FGF5: variants seen among roughly 807,000 people sequenced by gnomAD.
The protein encoded by FGF5 is heparin-binding growth factor 5.
FGF5 carries 23 observed loss-of-function variants against 21.8 expected under a neutral mutation model. The ratio of observed to expected loss-of-function variants is 1.05; its 90% CI spans 0.76 to 1.49. The LOEUF is 1.49. Among genes scored for constraint, FGF5 ranks in the 40% most tolerant of loss-of-function variants. FGF5 has a pLI of 0.00. For synonymous variants in FGF5, 158 were observed against 124.0 expected, an observed-to-expected ratio of 1.27 and a Z score of -1.82; for missense variants, 352 against 332.9, an observed-to-expected ratio of 1.06 and a Z score of -0.45.
At position 80,285,426 on chromosome 4, in the gene FGF5, A is replaced by G. The variant is rs562504101; in HGVS notation, c.460-899A>G. On this transcript the variant is annotated intron_variant, in intron 2 of 2. Coordinates refer to ENST00000312465, the MANE Select transcript of FGF5 (RefSeq NM_004464.4). Reference sequence around the variant, plus strand: ...CCTTCCTCTCTAATGCTAGTTAGAGAACATTCCTAGTTGTACTTGAAGACT... The same window carrying G: ...CCTTCCTCTCTAATGCTAGTTAGAGGACATTCCTAGTTGTACTTGAAGACT... Among the ~76,000 whole-genome samples the G allele has an allele frequency of 4.9e-4, 75 of 152,282 alleles. No individual in the cohort carries two copies. The South Asian group carries it at 0.011, about 21-fold the overall frequency.
chr4:80,284,816 G>A (rs888380248), intron 2 of FGF5, among the ~76,000 whole-genome samples: 2 of 151,954 alleles, frequency 1.3e-5, no homozygotes, highest in Non-Finnish European at 2.9e-5. Flanking sequence ...GAAAAGTTTG[G>A]CATTATTAGA....
In FGF5 at chr4:80,287,772, C is replaced by T. The variant is rs1317270954; in HGVS notation, c.*1100C>T. 6.6e-6 allele frequency: 1 copy of T among 152,114 alleles called. No homozygotes were observed. The highest frequency in any genetic ancestry group is 1.9e-4 in the East Asian group (1 of 5,186). 9.4% of individuals were successfully genotyped at this position (152,114 alleles called of 1,614,324 possible). On this transcript the variant is annotated 3_prime_UTR_variant, in exon 3 of 3. Transcript: ENST00000312465. ...TTTAACAGTTATCCATGCCAAGTCCCATTGTCAGAAATATTCTTATTACTC... is the reference window on the plus strand; with the variant it reads ...TTTAACAGTTATCCATGCCAAGTCCTATTGTCAGAAATATTCTTATTACTC...
chr4:80,276,515 G>C (rs979945818), intron 2 of FGF5, among the ~76,000 whole-genome samples: 2 of 151,698 alleles, frequency 1.3e-5, no homozygotes, highest in Non-Finnish European at 2.9e-5. Flanking sequence ...TATTTCAATA[G>C]GTTTTTAAGG....
At chr4:80,275,859 T>C (rs1473413630) in intron 2 of FGF5, among the ~76,000 whole-genome samples, 1 of 152,076 alleles carries the variant, frequency 6.6e-6, no homozygotes, top group Non-Finnish European at 1.5e-5. Flanking sequence ...TGAAAGCAAT[T>C]ATTCTTTAAA....
chr4:80,284,742 T>C (rs1201924275), intron 2 of FGF5, among the ~76,000 whole-genome samples: 1 of 152,218 alleles, frequency 6.6e-6, no homozygotes, highest in African/African-American at 2.4e-5. Flanking sequence ...CAACAGTGGA[T>C]CTATGTAGAT....
In FGF5 at chr4:80,278,738, G is replaced by A. The variant is rs186651193; in HGVS notation, c.459+3726G>A. Among the ~76,000 whole-genome samples, 38 of 152,194 alleles carry A rather than the reference G, an allele frequency of 2.5e-4. No individual in the cohort carries two copies. In the East Asian group the frequency reaches 6.4e-3, roughly 26 times the overall value. On this transcript the variant is annotated intron_variant, in intron 2 of 2. Coordinates refer to ENST00000312465, the MANE Select transcript of FGF5 (RefSeq NM_004464.4). ...ATGTGGGCTCCCTGGACTCATTCAA[G>A]CCCCTGATCTACAGGCAGCTCTCCT...
rs570704553 is a variant in FGF5, at chr4:80,275,148, C to T, written c.459+136C>T. 2,345 of 452,422 alleles carry T rather than the reference C, an allele frequency of 5.2e-3. 10 individuals carry two copies. Among genetic ancestry groups the T allele is most frequent in the Non-Finnish European group, 7.7e-3 (1,977 of 256,892 alleles). 28.0% of individuals were successfully genotyped at this position (452,422 alleles called of 1,614,324 possible). ...TTTTAAAAAGTATTTTTACATTTAA[C>T]CAAGATAATTTTGTGCGCTTCCAGA... On this transcript the variant is annotated intron_variant, in intron 2 of 2. Transcript: ENST00000312465.
chr4:80,274,816 A>G lies in FGF5; in HGVS notation c.356-93A>G, dbSNP rs1469390547. The G allele has an allele frequency of 6.0e-5, 39 of 646,422 alleles. 1 individual carries two copies. In the East Asian group the frequency reaches 1.0e-3, roughly 17 times the overall value. The allele number at this position is 646,422 out of a possible 1,614,324, so 40.0% of individuals were successfully genotyped here. On this transcript the variant is annotated intron_variant, in intron 1 of 2. Coordinates refer to ENST00000312465, the MANE Select transcript of FGF5 (RefSeq NM_004464.4). ...TAAGTTCTTTTTTAAAATCACAATA[A>G]TAAAGAATGGAAAGAATCTATGTAG...
chr4:80,286,318 T>G lies in FGF5; in HGVS notation c.460-7T>G. The G allele has an allele frequency of 6.5e-7, 1 of 1,549,840 alleles. No homozygotes were observed. On this transcript the variant is annotated splice_polypyrimidine_tract_variant and splice_region_variant and intron_variant, in intron 2 of 2. Coordinates refer to ENST00000312465, the MANE Select transcript of FGF5 (RefSeq NM_004464.4). ...ACTTAAATTTCCTCTTTTTTTCTCCTCCTTAGGCCAAGTTCACAGATGACT... is the reference window on the plus strand; with the variant it reads ...ACTTAAATTTCCTCTTTTTTTCTCCGCCTTAGGCCAAGTTCACAGATGACT...
At chr4:80,278,852 G>A (rs1394771064) in intron 2 of FGF5, among the ~76,000 whole-genome samples, 1 of 152,100 alleles carries the variant, frequency 6.6e-6, no homozygotes, top group African/African-American at 2.4e-5. Context: ...GGATGAGGAT[G>A]TATGGTCTTC....
At chr4:80,271,544 G>A (rs958772593) in intron 1 of FGF5, among the ~76,000 whole-genome samples, 4 of 152,140 alleles carry the variant, frequency 2.6e-5, no homozygotes, top group Non-Finnish European at 5.9e-5. Flanking sequence ...TTCTCAAGCA[G>A]GAGAAGGCCA....
chr4:80,280,833 T>C (rs1720532459), intron 2 of FGF5, among the ~76,000 whole-genome samples: 1 of 152,112 alleles, frequency 6.6e-6, no homozygotes, highest in Non-Finnish European at 1.5e-5. Context: ...CATGGGATGC[T>C]GGTTAATGAT....
chr4:80,282,116 C>A (rs1720570605), intron 2 of FGF5, among the ~76,000 whole-genome samples: 2 of 152,148 alleles, frequency 1.3e-5, no homozygotes, highest in South Asian at 2.1e-4. Flanking sequence ...GCGCGCACAA[C>A]CACACCTGGC....
At chr4:80,270,171 A>G (rs1178622794) in intron 1 of FGF5, among the ~76,000 whole-genome samples, 1 of 152,318 alleles carries the variant, frequency 6.6e-6, no homozygotes, top group Admixed American at 6.5e-5. Context: ...CTCATCTTCT[A>G]TTTCTACTGT....
intron 1 of FGF5, among the ~76,000 whole-genome samples, chr4:80,274,282 C>G (rs928367211): frequency 2.0e-5 from 3 of 151,948 alleles, no homozygotes; most frequent in African/African-American, 4.8e-5. Flanking sequence ...CAAGATGTCT[C>G]AAAGCATAAT....
intron 1 of FGF5, among the ~76,000 whole-genome samples, chr4:80,272,478 G>C (rs551843783): frequency 4.4e-4 from 67 of 152,214 alleles, no homozygotes; most frequent in Non-Finnish European, 7.4e-4. Context: ...TGTTTAAAGA[G>C]AGAATGAGCT....
chr4:80,290,830 T>A lies in FGF5; in HGVS notation c.*4158T>A, dbSNP rs1483978762. On this transcript the variant is annotated 3_prime_UTR_variant, in exon 3 of 3. Transcript: ENST00000312465. Reference sequence around the variant, plus strand: ...TGCAATAGTTTGCTGAGAATGATGGTTTCCAGCTTCATCCATGTCCCTACA... The same window carrying A: ...TGCAATAGTTTGCTGAGAATGATGGATTCCAGCTTCATCCATGTCCCTACA... 2.0e-5 allele frequency: 3 copies of A among 152,158 alleles called. No homozygotes were observed. Among genetic ancestry groups the A allele is most frequent in the Non-Finnish European group, 4.4e-5 (3 of 68,018 alleles). The allele number at this position is 152,158 out of a possible 1,614,324, so 9.4% of individuals were successfully genotyped here.
At chr4:80,270,145 G>T (rs1471402935) in intron 1 of FGF5, among the ~76,000 whole-genome samples, 1 of 152,206 alleles carries the variant, frequency 6.6e-6, no homozygotes, top group Non-Finnish European at 1.5e-5. Flanking sequence ...GGCCACAGAG[G>T]ATACCTCAGT....
chr4:80,275,754 G>T (rs574765739), intron 2 of FGF5, among the ~76,000 whole-genome samples: 194 of 151,984 alleles, frequency 1.3e-3, no homozygotes, highest in Non-Finnish European at 2.3e-3. Flanking sequence ...CCCACTCACA[G>T]ATTCTATTTA....
Sources: gnomAD v4.1 joint callset for allele counts (sites outside exome capture counted in the v4.1 genomes callset) on GRCh38, gnomAD v4.1.1 for gene constraint, MANE v1.5 for transcripts, NCBI Gene and HGNC (gene_info 2026-07-23, HGNC 2026-07-21) for gene names.